Variants in DENND1A observed in about 807,000 individuals in gnomAD.
The protein encoded by DENND1A is DENN domain-containing protein 1A.
Under a neutral mutation model 113.7 loss-of-function variants are expected in DENND1A, and 51 were observed. The observed-to-expected ratio is 0.45, with a 90% CI of 0.36 to 0.57. The LOEUF is 0.57. DENND1A is among the 20% of genes least tolerant of loss of function. The pLI is 0.00. For missense variants in DENND1A, 1,258 were observed against 1,395.9 expected, an observed-to-expected ratio of 0.90 and a Z score of 1.57; for synonymous variants, 565 against 570.8, an observed-to-expected ratio of 0.99 and a Z score of 0.14.
At chr9:123,711,141 GTATAAA>G (rs1470743747) in intron 5 of DENND1A, among the ~76,000 whole-genome samples, 1 of 151,744 alleles carries the variant, frequency 6.6e-6, no homozygotes, top group Admixed American at 6.6e-5. Context: ...ATGCTACACA[GTATAAA>G]TATATACAGT....
intron 12 of DENND1A, among the ~76,000 whole-genome samples, 196 bp from the exon 13 acceptor site, chr9:123,557,891 C>G (rs927098344): frequency 6.6e-6 from 1 of 151,992 alleles, no homozygotes; most frequent in African/African-American, 2.4e-5. Flanking sequence ...ACTTGGGAAG[C>G]TGAGGCACGA....
intron 13 of DENND1A, among the ~76,000 whole-genome samples, chr9:123,507,587 G>A (rs1010675275): frequency 3.2e-4 from 48 of 152,022 alleles, no homozygotes; most frequent in Admixed American, 7.2e-4. Flanking sequence ...AGTGGCTCAC[G>A]CCTGTAATCC....
chr9:123,607,131 A>G (rs2060190068), intron 11 of DENND1A, among the ~76,000 whole-genome samples: 1 of 152,134 alleles, frequency 6.6e-6, no homozygotes, highest in South Asian at 2.1e-4. Flanking sequence ...GACCAGCTGG[A>G]GGGCAACCCA....
intron 5 of DENND1A, among the ~76,000 whole-genome samples, chr9:123,748,954 G>A (rs969786438): frequency 9.2e-5 from 14 of 152,236 alleles, no homozygotes; most frequent in East Asian, 5.8e-4. Flanking sequence ...TGATCATCTT[G>A]TTCACTCTAT....
intron 5 of DENND1A, among the ~76,000 whole-genome samples, chr9:123,677,653 C>T (rs928422843): frequency 1.3e-5 from 2 of 152,154 alleles, no homozygotes; most frequent in Non-Finnish European, 2.9e-5. Context: ...AGGCTGGTCT[C>T]GAACTCCTGA....
chr9:123,712,419 G>A (rs2140970642), intron 5 of DENND1A, among the ~76,000 whole-genome samples: 1 of 152,236 alleles, frequency 6.6e-6, no homozygotes, highest in East Asian at 1.9e-4. Context: ...CTGTCCCTTG[G>A]GTAAATTATT....
chr9:123,854,881 C>A (rs1843926047), intron 2 of DENND1A, among the ~76,000 whole-genome samples: 1 of 150,368 alleles, frequency 6.7e-6, no homozygotes, highest in African/African-American at 2.5e-5. Flanking sequence ...CTACTGCATG[C>A]AAAGTGGTAA....
At position 123,420,670 on chromosome 9, in the gene DENND1A, T is replaced by C. The variant is rs142232919; in HGVS notation, c.1489-8841A>G. 3.5e-3 allele frequency among the ~76,000 whole-genome samples: 530 copies of C among 152,200 alleles called. 2 individuals are homozygous for C. Among genetic ancestry groups the C allele is most frequent in the African/African-American group, 0.012 (491 of 41,540 alleles). ...TTCCCCGATGTTGACAGGAGTAGTA[T>C]TTTGTAGTGGTGCTGGTTAATTTGT... On this transcript the variant is annotated intron_variant, in intron 19 of 23. Transcript: ENST00000394215.
chr9:123,424,075 G>A (rs2045528406), intron 19 of DENND1A, among the ~76,000 whole-genome samples: 1 of 152,152 alleles, frequency 6.6e-6, no homozygotes, highest in Admixed American at 6.5e-5. Context: ...ACAGCACTCT[G>A]GGAGAGTATA....
At chr9:123,846,713 AATT>A in intron 2 of DENND1A, among the ~76,000 whole-genome samples, 1 of 152,334 alleles carries the variant, frequency 6.6e-6, no homozygotes, top group East Asian at 1.9e-4. Flanking sequence ...GAAAATGGGA[AATT>A]ATTGTTAATG....
intron 5 of DENND1A, among the ~76,000 whole-genome samples, chr9:123,748,017 G>A (rs779413711): frequency 4.6e-5 from 7 of 152,092 alleles, no homozygotes; most frequent in Non-Finnish European, 7.4e-5. Flanking sequence ...GTAGTTAGCT[G>A]AATGACAACA....
At chr9:123,604,190 G>A (rs1419269521) in intron 11 of DENND1A, among the ~76,000 whole-genome samples, 1 of 152,122 alleles carries the variant, frequency 6.6e-6, no homozygotes, top group African/African-American at 2.4e-5. Context: ...ATATCTCCTG[G>A]AAAGCCCCCT....
intron 5 of DENND1A, among the ~76,000 whole-genome samples, chr9:123,736,000 G>A (rs2068535679): frequency 6.6e-6 from 1 of 152,064 alleles, no homozygotes; most frequent in Admixed American, 6.6e-5. Context: ...GTAAGGCCCT[G>A]TCTCCAAAAA....
At chr9:123,391,617 A>G (rs535090760) in intron 21 of DENND1A, among the ~76,000 whole-genome samples, 1 of 152,260 alleles carries the variant, frequency 6.6e-6, no homozygotes, top group East Asian at 1.9e-4. Flanking sequence ...CTTTTAATGA[A>G]AGGTGAGGTT....
intron 2 of DENND1A, among the ~76,000 whole-genome samples, chr9:123,833,439 A>G (rs960744467): frequency 6.6e-5 from 10 of 152,128 alleles, no homozygotes; most frequent in African/African-American, 2.4e-4. Context: ...TTTTCTCCAC[A>G]AATTCCTTAG....
At chr9:123,765,962 G>A (rs1346217644) in intron 4 of DENND1A, among the ~76,000 whole-genome samples, 3 of 152,134 alleles carry the variant, frequency 2.0e-5, no homozygotes, top group Admixed American at 1.3e-4. Context: ...GTGGATCATG[G>A]TTTTCCTTCT....
chr9:123,414,834 C>T (rs2044595738), intron 19 of DENND1A, among the ~76,000 whole-genome samples: 1 of 152,196 alleles, frequency 6.6e-6, no homozygotes. Context: ...GCCTCACATC[C>T]ACAGCACACC....
intron 4 of DENND1A, among the ~76,000 whole-genome samples, chr9:123,763,213 G>T (rs574388745): frequency 1.3e-5 from 2 of 152,252 alleles, no homozygotes; most frequent in East Asian, 1.9e-4. Flanking sequence ...GGAAGAAGGT[G>T]TAAGTAGGAG....
intron 5 of DENND1A, among the ~76,000 whole-genome samples, chr9:123,703,307 C>T (rs59031234): frequency 0.076 from 11,612 of 152,182 alleles, 892 homozygotes; most frequent in African/African-American, 0.2. Flanking sequence ...AAGGGATATA[C>T]GTTATAAAAA....
Sources: gnomAD v4.1 joint callset for allele counts (sites outside exome capture counted in the v4.1 genomes callset) on GRCh38, gnomAD v4.1.1 for gene constraint, MANE v1.5 for transcripts, NCBI Gene and HGNC (gene_info 2026-07-23, HGNC 2026-07-21) for gene names.